GRID2: variants seen among roughly 807,000 people sequenced by gnomAD.
The protein encoded by GRID2 is glutamate ionotropic receptor delta type subunit 2.
GRID2 carries 33 observed loss-of-function variants against 114.8 expected under a neutral mutation model. The ratio of observed to expected loss-of-function variants is 0.29; its 90% CI spans 0.22 to 0.38. The LOEUF is 0.38. Among genes scored for constraint, GRID2 ranks in the 10% least tolerant of loss-of-function variants. GRID2 has a pLI of 1.00. For missense variants in GRID2, 1,184 were observed against 1,257.7 expected, an observed-to-expected ratio of 0.94 and a Z score of 0.89; for synonymous variants, 505 against 449.9, an observed-to-expected ratio of 1.12 and a Z score of -1.55.
chr4:93,253,681 C>A (rs1312461426), intron 8 of GRID2, among the ~76,000 whole-genome samples: 1 of 152,022 alleles, frequency 6.6e-6, no homozygotes, highest in Non-Finnish European at 1.5e-5. Flanking sequence ...TCTGTAGTTT[C>A]CGTAAGAGCA....
rs1353023434 is a variant in GRID2 at position 93,691,139 on chromosome 4, TG to T, written c.2360+64705del. Among the ~76,000 whole-genome samples the T allele has an allele frequency of 2.6e-5, 4 of 151,882 alleles. No individual in the cohort carries two copies. In the East Asian group the frequency reaches 7.7e-4, roughly 29 times the overall value. ...ATTTAAAATGTGAAATACAAATAGATGTCATCTTTGTTACAAAATATCTATT... is the reference window on the plus strand; with the variant it reads ...ATTTAAAATGTGAAATACAAATAGATTCATCTTTGTTACAAAATATCTATT... On this transcript the variant is annotated intron_variant, in intron 14 of 15. Coordinates refer to ENST00000282020, the MANE Select transcript of GRID2 (RefSeq NM_001510.4).
At chr4:92,447,195 A>T (rs1036714064) in intron 1 of GRID2, among the ~76,000 whole-genome samples, 1 of 152,220 alleles carries the variant, frequency 6.6e-6, no homozygotes, top group African/African-American at 2.4e-5. Context: ...TTTATGTGAT[A>T]ATACATTACC....
At position 92,822,545 on chromosome 4, in the gene GRID2, G is replaced by A. The variant is rs1031085193; in HGVS notation, c.244+232259G>A. 5.3e-5 allele frequency: 15 copies of A among 282,482 alleles called. No homozygotes were observed. The East Asian group carries it at 8.3e-4, about 16-fold the overall frequency. 17.5% of individuals were successfully genotyped at this position (282,482 alleles called of 1,614,324 possible). A position where few individuals can be genotyped will look rare whatever the true frequency, so the allele number is the denominator to read the frequency against. On this transcript the variant is annotated intron_variant, in intron 2 of 15. Coordinates refer to ENST00000282020, the MANE Select transcript of GRID2 (RefSeq NM_001510.4). The stretch of plus-strand genomic sequence containing the variant: ...CTCAGGGTTATAACCATAACTAGAC[G>A]GTTTTATCTCAGGATCTAGAGACAA...
At chr4:93,161,860 C>CT (rs1352329443) in intron 4 of GRID2, among the ~76,000 whole-genome samples, 1 of 151,534 alleles carries the variant, frequency 6.6e-6, no homozygotes, top group Non-Finnish European at 1.5e-5. Context: ...TTCTTTTATA[C>CT]TTTAAGTTTT....
Position 92,660,682 on chromosome 4 carries a change from C to G in GRID2, c.244+70396C>G, listed in dbSNP as rs73837321. On this transcript the variant is annotated intron_variant, in intron 2 of 15. Transcript: ENST00000282020. ...TACTCCTTCATTCCATTTTTTTCTT[C>G]AACTTTATATCACCTCATACTTATA... Among the ~76,000 whole-genome samples, 972 of 151,248 alleles carry G rather than the reference C, an allele frequency of 6.4e-3. 7 individuals carry two copies. The highest frequency in any genetic ancestry group is 0.021 in the African/African-American group (886 of 41,442).
chr4:93,701,946 T>A (rs1727548123), intron 14 of GRID2, among the ~76,000 whole-genome samples: 1 of 152,106 alleles, frequency 6.6e-6, no homozygotes, highest in African/African-American at 2.4e-5. Context: ...TAATATAATA[T>A]AATCAGTCTG....
chr4:92,646,490 T>C (rs1456840445), intron 2 of GRID2, among the ~76,000 whole-genome samples: 2 of 152,038 alleles, frequency 1.3e-5, no homozygotes, highest in African/African-American at 4.8e-5. Context: ...AAAAAAAACT[T>C]GTTCACTCTG....
intron 1 of GRID2, among the ~76,000 whole-genome samples, chr4:92,580,239 T>C (rs1250554473): frequency 6.6e-6 from 1 of 151,560 alleles, no homozygotes; most frequent in Non-Finnish European, 1.5e-5. Flanking sequence ...CCTGGAAATA[T>C]CTGTATATTT....
intron 5 of GRID2, among the ~76,000 whole-genome samples, chr4:93,216,096 C>G (rs909014182): frequency 1.3e-5 from 2 of 152,016 alleles, no homozygotes; most frequent in Non-Finnish European, 2.9e-5. Context: ...TCTCTCATCT[C>G]ATCCTGATTC....
At chr4:92,798,905 A>T (rs1740018801) in intron 2 of GRID2, among the ~76,000 whole-genome samples, 2 of 151,948 alleles carry the variant, frequency 1.3e-5, no homozygotes, top group Non-Finnish European at 2.9e-5. Flanking sequence ...TCATTTTAAA[A>T]ATTATGTAAG....
chr4:93,246,761 A>C (rs2149524950), intron 8 of GRID2, among the ~76,000 whole-genome samples: 1 of 152,236 alleles, frequency 6.6e-6, no homozygotes, highest in South Asian at 2.1e-4. Flanking sequence ...CTTGTACCAT[A>C]AAGTCATGAG....
intron 1 of GRID2, among the ~76,000 whole-genome samples, chr4:92,456,443 G>C (rs937529727): frequency 6.6e-6 from 1 of 152,066 alleles, no homozygotes; most frequent in Non-Finnish European, 1.5e-5. Context: ...TGATACGTGA[G>C]AGACTAGTCA....
chr4:93,354,674 G>A (rs1446155858), intron 8 of GRID2, among the ~76,000 whole-genome samples: 4 of 6,640 alleles, frequency 6.0e-4, no homozygotes, highest in East Asian at 2.0e-3. Flanking sequence ...GCTCATCCGT[G>A]TGTGTGTGTG....
chr4:93,147,772 A>G (rs939970641), intron 4 of GRID2, among the ~76,000 whole-genome samples: 1 of 152,226 alleles, frequency 6.6e-6, no homozygotes, highest in African/African-American at 2.4e-5. Flanking sequence ...ACATTAAATA[A>G]GTACTTAACC....
At chr4:92,652,873 T>TATATTTATAAATAC (rs1732018575) in intron 2 of GRID2, among the ~76,000 whole-genome samples, 1 of 75,852 alleles carries the variant, frequency 1.3e-5, no homozygotes, top group Non-Finnish European at 2.8e-5. Flanking sequence ...TACATATAAA[T>TATATTTATAAATAC]ATATAAAAAT....
chr4:93,622,221 C>T (rs1316703378), intron 13 of GRID2, among the ~76,000 whole-genome samples: 4 of 152,296 alleles, frequency 2.6e-5, no homozygotes, highest in East Asian at 1.9e-4. Context: ...TATGGGATAA[C>T]TCTGTGGGTG....
At chr4:93,500,394 T>C (rs1226190843) in intron 12 of GRID2, among the ~76,000 whole-genome samples, 1 of 152,012 alleles carries the variant, frequency 6.6e-6, no homozygotes, top group Non-Finnish European at 1.5e-5. Flanking sequence ...GGCACTCATA[T>C]AGATTCCTTG....
Position 93,224,614 on chromosome 4 carries a change from A to G in GRID2, c.964A>G (p.Ile322Val), listed in dbSNP as rs1338283545. 2 of 1,601,618 alleles carry G rather than the reference A, an allele frequency of 1.2e-6. No homozygotes were observed. Among genetic ancestry groups the G allele is most frequent in the Non-Finnish European group, 1.7e-6 (2 of 1,170,168 alleles). The change falls in exon 7 of 16, where the codon ATT (isoleucine) becomes GTT (valine). Residue 322 changes from isoleucine (I) to valine (V), a missense_variant and splice_region_variant. Ile to Val is a conservative substitution (Grantham distance 29). This residue lies in a region of GRID2 where 455 missense variants were observed against 429.5 expected (regional missense o/e 1.06). Transcript: ENST00000282020. ...TGATCACTTTCTAATGTCTTTTCAG[A>G]TTTCCAACCTTTACATATATGACAC... ...PKDPFAQNME[I>V]SNLYIYDTVL...
chr4:92,604,254 C>T (rs1729353142), intron 2 of GRID2, among the ~76,000 whole-genome samples: 1 of 152,124 alleles, frequency 6.6e-6, no homozygotes, highest in Non-Finnish European at 1.5e-5. Flanking sequence ...TTCATTGCAG[C>T]AGTATTCACA....
Sources: allele counts gnomAD v4.1 joint callset (sites outside exome capture counted in the v4.1 genomes callset), GRCh38; gene constraint gnomAD v4.1.1; regional missense constraint gnomAD v4.1.1; transcripts MANE v1.5; gene names NCBI Gene and HGNC (gene_info 2026-07-23, HGNC 2026-07-21).